MAGI1: variants seen among roughly 807,000 people sequenced by gnomAD.
The protein encoded by MAGI1 is membrane-associated guanylate kinase, WW and PDZ domain-containing protein 1.
In MAGI1, 58 loss-of-function variants were observed where a neutral mutation model predicts 139.9. That is an observed-to-expected ratio of 0.41 (90% CI 0.34 to 0.52). The LOEUF (loss-of-function observed/expected upper bound fraction) is 0.52. MAGI1 is among the 20% of genes least tolerant of loss of function. MAGI1 has a pLI of 0.12. For missense variants in MAGI1, 1,874 were observed against 1,901.6 expected, an observed-to-expected ratio of 0.99 and a Z score of 0.27; for synonymous variants, 812 against 737.9, an observed-to-expected ratio of 1.10 and a Z score of -1.63.
chr3:65,442,027 G>A (rs1402645594), intron 8 of MAGI1, among the ~76,000 whole-genome samples: 1 of 151,476 alleles, frequency 6.6e-6, no homozygotes, highest in Non-Finnish European at 1.5e-5. Context: ...TCTTTTGAAG[G>A]GACTTTTATT....
intron 1 of MAGI1, chr3:65,688,079 G>T: frequency 1.3e-6 from 1 of 763,548 alleles, no homozygotes; most frequent in Non-Finnish European, 2.3e-6. Context: ...CCAACAGACA[G>T]CCTTTGGCCC....
At chr3:65,849,290 G>C (rs913281072) in intron 1 of MAGI1, among the ~76,000 whole-genome samples, 3 of 151,250 alleles carry the variant, frequency 2.0e-5, no homozygotes, top group Non-Finnish European at 2.9e-5. Flanking sequence ...CTCCCAAAGT[G>C]CTAGGATTAC....
intron 5 of MAGI1, among the ~76,000 whole-genome samples, chr3:65,464,513 TA>T (rs1292378184): frequency 6.6e-6 from 1 of 151,940 alleles, no homozygotes; most frequent in Non-Finnish European, 1.5e-5. Flanking sequence ...ATAGATTATT[TA>T]AAAGTATGTT....
chr3:65,944,874 G>C (rs1291213215), intron 1 of MAGI1, among the ~76,000 whole-genome samples: 4 of 152,164 alleles, frequency 2.6e-5, no homozygotes, highest in Non-Finnish European at 4.4e-5. Flanking sequence ...TGTCAATTTT[G>C]TCCGACAGCA....
intron 2 of MAGI1, among the ~76,000 whole-genome samples, chr3:65,501,164 C>T (rs1166437595): frequency 6.6e-6 from 1 of 151,996 alleles, no homozygotes; most frequent in Non-Finnish European, 1.5e-5. Flanking sequence ...ATATGAAAAA[C>T]CCCTTCTGAA....
chr3:65,675,944 C>A (rs771744864), intron 1 of MAGI1, among the ~76,000 whole-genome samples: 3 of 152,172 alleles, frequency 2.0e-5, no homozygotes, highest in Non-Finnish European at 4.4e-5. Flanking sequence ...TGGCAGGACT[C>A]AATTTTCACC....
chr3:65,994,987 G>A (rs1385154959), intron 1 of MAGI1, among the ~76,000 whole-genome samples: 1 of 152,144 alleles, frequency 6.6e-6, no homozygotes, highest in Non-Finnish European at 1.5e-5. Context: ...CCATGGGAAA[G>A]AAACAAAGGG....
chr3:65,727,047 G>T (rs190301695), intron 1 of MAGI1, among the ~76,000 whole-genome samples: 23 of 151,546 alleles, frequency 1.5e-4, no homozygotes, highest in Admixed American at 5.9e-4. Context: ...TCCACACAAT[G>T]TTAACAGGAA....
At chr3:65,460,412 A>C (rs763329607) in intron 5 of MAGI1, among the ~76,000 whole-genome samples, 1 of 152,166 alleles carries the variant, frequency 6.6e-6, no homozygotes, top group Admixed American at 6.5e-5. Flanking sequence ...ATTATGTAGA[A>C]ATAGTGTAAT....
At chr3:65,858,898 G>A (rs1189039117) in intron 1 of MAGI1, among the ~76,000 whole-genome samples, 1 of 152,136 alleles carries the variant, frequency 6.6e-6, no homozygotes, top group Admixed American at 6.5e-5. Context: ...TTCTGAATGA[G>A]CTAACACCAC....
chr3:66,031,649 A>C (rs1248212825), intron 1 of MAGI1, among the ~76,000 whole-genome samples: 1 of 152,110 alleles, frequency 6.6e-6, no homozygotes, highest in Non-Finnish European at 1.5e-5. Context: ...GTCTTTTGGC[A>C]CCAAGAACAA....
intron 1 of MAGI1, among the ~76,000 whole-genome samples, chr3:65,927,041 G>T (rs1158881327): frequency 1.3e-5 from 2 of 152,116 alleles, no homozygotes; most frequent in South Asian, 4.1e-4. Flanking sequence ...TGCAGGAATT[G>T]CCCACCCCTT....
At chr3:65,820,798 A>T (rs716244) in intron 1 of MAGI1, among the ~76,000 whole-genome samples, 98,040 of 151,842 alleles carry the variant, frequency 0.65, 32,238 homozygotes, top group East Asian at 0.95. Flanking sequence ...ATTTTTAGGA[A>T]CCCTGTGTTA....
chr3:65,372,386 C>T (rs1165297897), intron 18 of MAGI1, among the ~76,000 whole-genome samples: 2 of 152,088 alleles, frequency 1.3e-5, no homozygotes, highest in Admixed American at 6.6e-5. Flanking sequence ...CTCAATAAAC[C>T]ACAGCACAAC....
chr3:65,501,172 G>A (rs931124325), intron 2 of MAGI1, among the ~76,000 whole-genome samples: 2 of 151,968 alleles, frequency 1.3e-5, no homozygotes, highest in Non-Finnish European at 2.9e-5. Context: ...AACCCCTTCT[G>A]AAACTGCTTT....
At chr3:65,382,669 C>A (rs1943148481) in intron 15 of MAGI1, among the ~76,000 whole-genome samples, 1 of 152,150 alleles carries the variant, frequency 6.6e-6, no homozygotes, top group Non-Finnish European at 1.5e-5. Flanking sequence ...CTATAGCTAC[C>A]TTTACGTGGC....
At chr3:65,854,095 G>A (rs1468552962) in intron 1 of MAGI1, among the ~76,000 whole-genome samples, 1 of 151,254 alleles carries the variant, frequency 6.6e-6, no homozygotes, top group Non-Finnish European at 1.5e-5. Context: ...GCAACAGAGC[G>A]AGACTCTGTC....
intron 2 of MAGI1, among the ~76,000 whole-genome samples, chr3:65,605,203 T>G (rs1366724168): frequency 6.6e-6 from 1 of 152,212 alleles, no homozygotes; most frequent in African/African-American, 2.4e-5. Flanking sequence ...CACATCCACT[T>G]ATCCTTAAAA....
chr3:65,799,327 T>C (rs2040364088), intron 1 of MAGI1, among the ~76,000 whole-genome samples: 1 of 151,956 alleles, frequency 6.6e-6, no homozygotes, highest in African/African-American at 2.4e-5. Context: ...GACTGAAACA[T>C]GTGGCACCAG....
Sources: gnomAD v4.1 joint callset for allele counts (sites outside exome capture counted in the v4.1 genomes callset) on GRCh38, gnomAD v4.1.1 for gene constraint, MANE v1.5 for transcripts, NCBI Gene and HGNC (gene_info 2026-07-23, HGNC 2026-07-21) for gene names.